The following MYO1D variants were observed in gnomAD, a reference collection of about 807,000 sequenced individuals.
The protein encoded by MYO1D is unconventional myosin-Id.
MYO1D carries 83 observed loss-of-function variants against 122.0 expected under a neutral mutation model. The ratio of observed to expected loss-of-function variants is 0.68; its 90% CI spans 0.57 to 0.82. The LOEUF (loss-of-function observed/expected upper bound fraction) is 0.82, where lower values mean the gene tolerates loss of function less well. Ranked by LOEUF, MYO1D falls within the 40% of genes least tolerant of loss-of-function variation. The pLI is 0.00. For missense variants in MYO1D, 1,157 were observed against 1,269.5 expected, an observed-to-expected ratio of 0.91 and a Z score of 1.35; for synonymous variants, 464 against 446.9, an observed-to-expected ratio of 1.04 and a Z score of -0.48.
intron 21 of MYO1D, among the ~76,000 whole-genome samples, chr17:32,600,632 G>A (rs1001184987): frequency 6.6e-6 from 1 of 152,134 alleles, no homozygotes; most frequent in African/African-American, 2.4e-5. Context: ...TTCGTCTGCA[G>A]CTTCCTCACC....
intron 21 of MYO1D, among the ~76,000 whole-genome samples, chr17:32,524,119 A>G (rs1163815159): frequency 6.6e-6 from 1 of 152,232 alleles, no homozygotes; most frequent in Non-Finnish European, 1.5e-5. Context: ...AGAAAAATGG[A>G]ATAAAAAAGT....
intron 1 of MYO1D, among the ~76,000 whole-genome samples, chr17:32,835,660 C>T (rs1446172106): frequency 6.6e-6 from 1 of 152,164 alleles, no homozygotes; most frequent in Non-Finnish European, 1.5e-5. Context: ...AAGCAGACAT[C>T]AAGTCCTTCT....
At chr17:32,637,487 T>C (rs1339804213) in intron 20 of MYO1D, among the ~76,000 whole-genome samples, 2 of 152,014 alleles carry the variant, frequency 1.3e-5, no homozygotes, top group African/African-American at 2.4e-5. Context: ...CCTGGTCAAC[T>C]TGGCGAAACC....
chr17:32,504,226 GC>G (rs1397354057), intron 21 of MYO1D, among the ~76,000 whole-genome samples: 1 of 151,854 alleles, frequency 6.6e-6, no homozygotes, highest in Middle Eastern at 3.2e-3. Context: ...AGGCCCGGGG[GC>G]GTGATCCACA....
At chr17:32,853,643 C>T (rs1411627549) in intron 1 of MYO1D, among the ~76,000 whole-genome samples, 1 of 152,196 alleles carries the variant, frequency 6.6e-6, no homozygotes, top group East Asian at 1.9e-4. Flanking sequence ...GGATTCTATT[C>T]ATTTTTGTAT....
chr17:32,765,136 T>C, intron 7 of MYO1D, 55 bp from the exon 8 acceptor site: 1 of 1,437,444 alleles, frequency 7.0e-7, no homozygotes, highest in East Asian at 2.3e-5. Context: ...CAAGGATATA[T>C]TTGCCAATAT....
At chr17:32,592,420 C>T (rs1163471751) in intron 21 of MYO1D, among the ~76,000 whole-genome samples, 1 of 152,212 alleles carries the variant, frequency 6.6e-6, no homozygotes, top group East Asian at 1.9e-4. Context: ...AAGATGGATG[C>T]ATCAATGTTG....
chr17:32,636,583 A>T (rs2088102618), intron 20 of MYO1D, among the ~76,000 whole-genome samples: 1 of 152,156 alleles, frequency 6.6e-6, no homozygotes, highest in South Asian at 2.1e-4. Flanking sequence ...AGACCCTGAG[A>T]TAAAGGCTGA....
Position 32,721,072 on chromosome 17 carries a change from G to A in MYO1D, c.1864C>T (p.Arg622Cys), listed in dbSNP as rs1366755677. 4 of 1,613,850 alleles carry A rather than the reference G, an allele frequency of 2.5e-6. No individual in the cohort carries two copies. The highest frequency in any genetic ancestry group is 1.7e-5 in the Admixed American group (1 of 59,982). The change falls in exon 15 of 22, where the codon CGT (arginine) becomes TGT (cysteine). Residue 622 changes from arginine to cysteine, a missense_variant. Coordinates refer to ENST00000318217, the MANE Select transcript of MYO1D (RefSeq NM_015194.3). ...TGGCGGAAGGCAAATCCTGCCCGACGCACTCTCACATTTTCCAGTAGTCCA... is the reference window on the plus strand; with the variant it reads ...TGGCGGAAGGCAAATCCTGCCCGACACACTCTCACATTTTCCAGTAGTCCA... ...YLGLLENVRV[R>C]RAGFAFRQTY... is the part of the protein sequence containing the mutation.
intron 21 of MYO1D, among the ~76,000 whole-genome samples, chr17:32,555,078 T>C (rs1174576192): frequency 6.6e-6 from 1 of 152,114 alleles, no homozygotes; most frequent in African/African-American, 2.4e-5. Context: ...AATAAATACA[T>C]CATTTTAAGG....
At chr17:32,847,001 A>G (rs2090943683) in intron 1 of MYO1D, among the ~76,000 whole-genome samples, 1 of 152,204 alleles carries the variant, frequency 6.6e-6, no homozygotes, top group South Asian at 2.1e-4. Flanking sequence ...AAACAAACAA[A>G]TAAGTAAATA....
At chr17:32,572,510 T>C (rs1242270262) in intron 21 of MYO1D, among the ~76,000 whole-genome samples, 4 of 152,162 alleles carry the variant, frequency 2.6e-5, no homozygotes, top group Non-Finnish European at 5.9e-5. Flanking sequence ...TCTTCTAATT[T>C]TAGGACCAGC....
rs1479995508 is a variant in MYO1D, at chr17:32,876,928, G to C, written c.-56C>G. ...CTCGGGCCTCCGGGGCCGCTCCGTG[G>C]GCCCGCGATGAGCTCGGGAGGGGCC... On this transcript the variant is annotated 5_prime_UTR_variant, in exon 1 of 22. Coordinates refer to ENST00000318217, the MANE Select transcript of MYO1D (RefSeq NM_015194.3). 8.6e-7 allele frequency: 1 copy of C among 1,164,410 alleles called. No homozygotes were observed. Among genetic ancestry groups the C allele is most frequent in the Non-Finnish European group, 1.1e-6 (1 of 873,828 alleles). 72.1% of individuals were successfully genotyped at this position (1,164,410 alleles called of 1,614,324 possible). A position where few individuals can be genotyped will look rare whatever the true frequency, so the allele number is the denominator to read the frequency against.
chr17:32,822,410 C>A (rs2090675012), intron 1 of MYO1D, among the ~76,000 whole-genome samples: 1 of 151,116 alleles, frequency 6.6e-6, no homozygotes, highest in South Asian at 2.1e-4. Context: ...ACGCGTCCAG[C>A]GCCGTCCGTC....
Position 32,796,602 on chromosome 17 carries a change from G to A in MYO1D, c.96-15818C>T, listed in dbSNP as rs139329829. On this transcript the variant is annotated intron_variant, in intron 1 of 21. Transcript: ENST00000318217. ...TAATTTTTGTATTTCTTGTAGAGAC[G>A]GGGTTTTTGCCATGTTGCCCAAGCT... is the stretch of plus-strand genomic sequence containing the variant. 8.5e-5 allele frequency among the ~76,000 whole-genome samples: 13 copies of A among 152,228 alleles called. No homozygotes were observed. In the East Asian group the frequency reaches 2.5e-3, roughly 29 times the overall value.
intron 16 of MYO1D, among the ~76,000 whole-genome samples, chr17:32,680,758 G>T (rs1181844759): frequency 2.6e-5 from 4 of 152,274 alleles, no homozygotes; most frequent in South Asian, 4.2e-4. Context: ...GAATGATACT[G>T]GCCTCATAAA....
intron 21 of MYO1D, among the ~76,000 whole-genome samples, chr17:32,562,485 A>C (rs567338147): frequency 6.6e-5 from 10 of 151,760 alleles, no homozygotes; most frequent in Non-Finnish European, 1.5e-4. Context: ...TTTCCTTTTA[A>C]ATTTTTAATT....
chr17:32,561,958 A>T (rs1465012232), intron 21 of MYO1D, among the ~76,000 whole-genome samples: 2 of 151,696 alleles, frequency 1.3e-5, no homozygotes, highest in Non-Finnish European at 1.5e-5. Context: ...AAACAAAAGC[A>T]GTCAGCATAA....
At chr17:32,818,221 T>G (rs944975701) in intron 1 of MYO1D, among the ~76,000 whole-genome samples, 12 of 151,404 alleles carry the variant, frequency 7.9e-5, no homozygotes, top group African/African-American at 2.9e-4. Flanking sequence ...CTAGAGCCAG[T>G]GCTTTTAACC....
Sources: gnomAD v4.1 joint callset for allele counts (sites outside exome capture counted in the v4.1 genomes callset) on GRCh38, gnomAD v4.1.1 for gene constraint, MANE v1.5 for transcripts, NCBI Gene and HGNC (gene_info 2026-07-23, HGNC 2026-07-21) for gene names.